Variants in RGS7BP observed in about 807,000 individuals in gnomAD.
RGS7BP encodes the protein regulator of G protein signaling 7 binding protein, also known as regulator of G protein signaling 7-binding protein.
In RGS7BP, 9 loss-of-function variants were observed where a neutral mutation model predicts 31.3. That is an observed-to-expected ratio of 0.29 (90% CI 0.17 to 0.50). The LOEUF is 0.50. RGS7BP is among the 20% of genes least tolerant of loss of function. The pLI, the probability that RGS7BP is intolerant of heterozygous loss-of-function variation, is 0.98. For missense variants in RGS7BP, 274 were observed against 322.0 expected, an observed-to-expected ratio of 0.85 and a Z score of 1.14; for synonymous variants, 115 against 120.1, an observed-to-expected ratio of 0.96 and a Z score of 0.28.
intron 2 of RGS7BP, among the ~76,000 whole-genome samples, chr5:64,520,124 A>C (rs1043776443): frequency 6.6e-6 from 1 of 152,180 alleles, no homozygotes; most frequent in African/African-American, 2.4e-5. Flanking sequence ...AGGTTCTGAA[A>C]AGTTGAGATA....
intron 3 of RGS7BP, among the ~76,000 whole-genome samples, chr5:64,579,018 T>C (rs1425457282): frequency 6.6e-6 from 1 of 152,228 alleles, no homozygotes; most frequent in South Asian, 2.1e-4. Flanking sequence ...GATCACCATC[T>C]GTAGCCAGCA....
chr5:64,535,863 G>T (rs147433912), intron 2 of RGS7BP, among the ~76,000 whole-genome samples: 1 of 152,178 alleles, frequency 6.6e-6, no homozygotes, highest in African/African-American at 2.4e-5. Flanking sequence ...TTTGAAAAAG[G>T]TAAAAATCTA....
At position 64,578,581 on chromosome 5, in the gene RGS7BP, A is replaced by C. The variant is rs192915059; in HGVS notation, c.463+2677A>C. ...ACCAAAAAAATGTAAATCACACCCCACCCTCCGTATAAATAAAAGGAAAAA... is the reference window on the plus strand; with the variant it reads ...ACCAAAAAAATGTAAATCACACCCCCCCCTCCGTATAAATAAAAGGAAAAA... On this transcript the variant is annotated intron_variant, in intron 3 of 5. Transcript: ENST00000334025. 2.0e-5 allele frequency among the ~76,000 whole-genome samples: 3 copies of C among 151,662 alleles called. No individual in the cohort carries two copies. In the East Asian group the frequency reaches 5.8e-4, roughly 29 times the overall value.
intron 2 of RGS7BP, among the ~76,000 whole-genome samples, chr5:64,552,209 A>G (rs2111838864): frequency 6.6e-6 from 1 of 152,348 alleles, no homozygotes; most frequent in East Asian, 1.9e-4. Context: ...AGAAAAATTT[A>G]TCCCCTAAAT....
chr5:64,567,547 C>A (rs1019704026), intron 2 of RGS7BP, among the ~76,000 whole-genome samples: 2 of 152,064 alleles, frequency 1.3e-5, no homozygotes, highest in African/African-American at 2.4e-5. Context: ...ATCCCTCTGT[C>A]CAGCCAGCAA....
chr5:64,546,257 G>A (rs1741656687), intron 2 of RGS7BP, among the ~76,000 whole-genome samples: 2 of 152,036 alleles, frequency 1.3e-5, no homozygotes, highest in African/African-American at 4.8e-5. Flanking sequence ...AGGTGGTCAG[G>A]GAGACTGTGT....
At chr5:64,551,416 T>C (rs560257398) in intron 2 of RGS7BP, among the ~76,000 whole-genome samples, 2 of 151,438 alleles carry the variant, frequency 1.3e-5, no homozygotes, top group South Asian at 4.2e-4. Context: ...ATGTGTGCCA[T>C]GACGCCTGCT....
rs112306996 is a variant in RGS7BP, at chr5:64,591,411, A to T, written c.464-3299A>T. ...AGTAATAAAGGAAAAGAAAAATAAA[A>T]ATAAAAGTGCAATGAGATTCTATTT... On this transcript the variant is annotated intron_variant, in intron 3 of 5. Coordinates refer to ENST00000334025, the MANE Select transcript of RGS7BP (RefSeq NM_001029875.3). Among the ~76,000 whole-genome samples, 762 of 152,268 alleles carry T rather than the reference A, an allele frequency of 5.0e-3. 3 individuals carry two copies. The highest frequency in any genetic ancestry group is 0.017 in the African/African-American group (715 of 41,564).
At chr5:64,594,996 A>G (rs1185801898) in intron 4 of RGS7BP, 139 bp downstream of exon 4, 4 of 892,900 alleles carry the variant, frequency 4.5e-6, no homozygotes, top group Admixed American at 2.6e-5. Flanking sequence ...TAGTGCTGTC[A>G]GGGACCCTGG....
chr5:64,569,710 G>T (rs1308224877), intron 2 of RGS7BP, among the ~76,000 whole-genome samples: 1 of 152,180 alleles, frequency 6.6e-6, no homozygotes, highest in East Asian at 1.9e-4. Flanking sequence ...TGTCACTGAG[G>T]TTGGCACTGA....
chr5:64,511,558 G>A (rs771210651), intron 2 of RGS7BP, among the ~76,000 whole-genome samples: 1 of 152,094 alleles, frequency 6.6e-6, no homozygotes, highest in Non-Finnish European at 1.5e-5. Flanking sequence ...CACTGCTTGG[G>A]GTGTGTGTGT....
rs150939357 is a variant in RGS7BP at position 64,582,487 on chromosome 5, C to T, written c.463+6583C>T. On this transcript the variant is annotated intron_variant, in intron 3 of 5. Coordinates refer to ENST00000334025, the MANE Select transcript of RGS7BP (RefSeq NM_001029875.3). Reference sequence around the variant, plus strand: ...GCTCTGTCAGTGGTCCCCTCTGACTCTGCTTGTCCTCTCTGCCATAGCTTA... The same window carrying T: ...GCTCTGTCAGTGGTCCCCTCTGACTTTGCTTGTCCTCTCTGCCATAGCTTA... 1.4e-4 allele frequency among the ~76,000 whole-genome samples: 21 copies of T among 152,314 alleles called. No individual in the cohort carries two copies. In the East Asian group the frequency reaches 4.1e-3, roughly 29 times the overall value.
At chr5:64,607,073 T>C (rs78075869) in intron 5 of RGS7BP, among the ~76,000 whole-genome samples, 6,585 of 152,068 alleles carry the variant, frequency 0.043, 440 homozygotes, top group African/African-American at 0.14. Flanking sequence ...TCTAAATATA[T>C]AACATAGTGC....
chr5:64,576,917 A>G (rs904213725), intron 3 of RGS7BP, among the ~76,000 whole-genome samples: 1 of 152,226 alleles, frequency 6.6e-6, no homozygotes, highest in Non-Finnish European at 1.5e-5. Flanking sequence ...GGTAGAGCAT[A>G]GGCTGTGCAT....
chr5:64,574,650 T>C (rs1325964389), intron 2 of RGS7BP, among the ~76,000 whole-genome samples: 1 of 152,212 alleles, frequency 6.6e-6, no homozygotes, highest in African/African-American at 2.4e-5. Flanking sequence ...AGATCAACTC[T>C]TGCTCATCGA....
chr5:64,540,104 G>C (rs1378647947), intron 2 of RGS7BP, among the ~76,000 whole-genome samples: 3 of 151,848 alleles, frequency 2.0e-5, no homozygotes, highest in Non-Finnish European at 4.4e-5. Context: ...AATAATCATT[G>C]ATTATATTTT....
At chr5:64,520,710 C>T (rs1381661884) in intron 2 of RGS7BP, among the ~76,000 whole-genome samples, 6 of 152,178 alleles carry the variant, frequency 3.9e-5, no homozygotes, top group Non-Finnish European at 7.4e-5. Flanking sequence ...CAGGGTAGGA[C>T]ATGTTAGCAG....
intron 2 of RGS7BP, among the ~76,000 whole-genome samples, chr5:64,567,287 G>A (rs781508028): frequency 7.9e-5 from 12 of 152,046 alleles, no homozygotes; most frequent in Admixed American, 2.0e-4. Context: ...AGAGGAGTCC[G>A]TTTGGAACTG....
chr5:64,551,143 T>C, intron 2 of RGS7BP, among the ~76,000 whole-genome samples: 1 of 151,976 alleles, frequency 6.6e-6, no homozygotes, highest in African/African-American at 2.4e-5. Flanking sequence ...TGCTTATTTG[T>C]CACCCATATT....
Sources: gnomAD v4.1 joint callset for allele counts (sites outside exome capture counted in the v4.1 genomes callset) on GRCh38, gnomAD v4.1.1 for gene constraint, MANE v1.5 for transcripts, NCBI Gene and HGNC (gene_info 2026-07-23, HGNC 2026-07-21) for gene names.